BCAS3: variants seen among roughly 807,000 people sequenced by gnomAD.
BCAS3 encodes BCAS4/BCAS3 fusion.
BCAS3 carries 53 observed loss-of-function variants against 116.1 expected under a neutral mutation model. The observed-to-expected ratio is 0.46, with a 90% CI of 0.37 to 0.57. The LOEUF (loss-of-function observed/expected upper bound fraction) is 0.57, where lower values mean the gene tolerates loss of function less well. Ranked by LOEUF, BCAS3 falls within the 20% of genes least tolerant of loss-of-function variation. The probability of loss-of-function intolerance (pLI) is 0.00; values close to 1 mark genes in which losing one functional copy is unlikely to be tolerated. For missense variants in BCAS3, 917 were observed against 1,165.4 expected, an observed-to-expected ratio of 0.79 and a Z score of 3.10; for synonymous variants, 391 against 408.2, an observed-to-expected ratio of 0.96 and a Z score of 0.51.
chr17:60,796,505 G>C (rs532507189), intron 6 of BCAS3, among the ~76,000 whole-genome samples: 2 of 152,062 alleles, frequency 1.3e-5, no homozygotes, highest in Non-Finnish European at 2.9e-5. Flanking sequence ...TCTAGTTTAC[G>C]TGCATAAAGG....
At position 60,973,586 on chromosome 17, in the gene BCAS3, A is replaced by ATATATATATATATATATATATAT. The variant is rs752524305; in HGVS notation, c.1222-16385_1222-16384insTATATATATATATATATATATAT. ...TAGACATTGCTATTACCTTATTATT[A>ATATATATATATATATATATATAT]ATATATATATATATATATATATGTA... is the stretch of plus-strand genomic sequence containing the variant. On this transcript the variant is annotated intron_variant, in intron 14 of 23. Transcript: ENST00000407086. Among the ~76,000 whole-genome samples the ATATATATATATATATATATATAT allele has an allele frequency of 5.1e-4, 70 of 137,940 alleles. 1 individual carries two copies. The highest frequency in any genetic ancestry group is 1.7e-3 in the African/African-American group (61 of 34,934). 90.5% of individuals were successfully genotyped at this position (137,940 alleles called of 152,430 possible).
At chr17:60,953,588 A>G (rs1462749353) in intron 14 of BCAS3, among the ~76,000 whole-genome samples, 2 of 151,712 alleles carry the variant, frequency 1.3e-5, no homozygotes, top group Non-Finnish European at 2.9e-5. Flanking sequence ...CCATTTGTCA[A>G]TTTTTGCTTT....
chr17:61,143,811 AAAAAT>A lies in BCAS3; in HGVS notation c.2425+59261_2425+59265del, dbSNP rs776798815. On this transcript the variant is annotated intron_variant, in intron 22 of 23. Transcript: ENST00000407086. Reference sequence around the variant, plus strand: ...GCGACAGAGCAAGACTCTGTCTCAAAAAAATAAAATAAAATAAATAAAGTATAAGT... The same window carrying A: ...GCGACAGAGCAAGACTCTGTCTCAAAAAAATAAAATAAATAAAGTATAAGT... 1.2e-4 allele frequency among the ~76,000 whole-genome samples: 19 copies of A among 152,310 alleles called. 1 individual carries two copies. Among genetic ancestry groups the A allele is most frequent in the African/African-American group, 2.6e-4 (11 of 41,558 alleles).
In BCAS3 at chr17:61,307,402, G is replaced by A. The variant is rs971224866; in HGVS notation, c.2426-60925G>A. 3.3e-5 allele frequency among the ~76,000 whole-genome samples: 5 copies of A among 152,346 alleles called. No individual in the cohort carries two copies. The highest frequency in any genetic ancestry group is 3.3e-4 in the Admixed American group (5 of 15,304). Reference sequence around the variant, plus strand: ...CTCAAGTTCCTTGAGCATAATCTCAGAGAAGAATCTAACCCATGTTTTCTT... The same window carrying A: ...CTCAAGTTCCTTGAGCATAATCTCAAAGAAGAATCTAACCCATGTTTTCTT... On this transcript the variant is annotated intron_variant, in intron 22 of 23. Coordinates refer to ENST00000407086, the MANE Select transcript of BCAS3 (RefSeq NM_017679.5). The surrounding 1 kb of genome is among the most constrained non-coding windows in gnomAD (Gnocchi z 4.7).
In BCAS3 at chr17:61,021,672, A is replaced by G. The variant is rs966680952; in HGVS notation, c.1637+5771A>G. ...GCCGTAAGCCAGTGCTGATGGGCTC[A>G]GGCCCCACTTAGAAAGCATAGATGC... is the stretch of plus-strand genomic sequence containing the variant. On this transcript the variant is annotated intron_variant, in intron 16 of 23. Transcript: ENST00000407086. This position sits in a 1 kb window ranked among gnomAD's most constrained non-coding sequence, Gnocchi z 4.6. Among the ~76,000 whole-genome samples the G allele has an allele frequency of 6.6e-6, 1 of 152,238 alleles. No individual in the cohort carries two copies. The highest frequency in any genetic ancestry group is 1.5e-5 in the Non-Finnish European group (1 of 68,042).
chr17:61,283,639 G>A (rs150631484), intron 22 of BCAS3, among the ~76,000 whole-genome samples: 2,998 of 151,804 alleles, frequency 0.02, 90 homozygotes, highest in African/African-American at 0.067. Flanking sequence ...ATTTTTAGTC[G>A]AGACAGGGTT....
intron 4 of BCAS3, among the ~76,000 whole-genome samples, chr17:60,693,709 G>T (rs1421732829): frequency 6.6e-6 from 1 of 151,346 alleles, no homozygotes; most frequent in Admixed American, 6.6e-5. Flanking sequence ...TACTATGCCC[G>T]GCATGGCCAG....
chr17:61,092,318 C>T (rs1364375378), intron 22 of BCAS3, among the ~76,000 whole-genome samples: 1 of 152,056 alleles, frequency 6.6e-6, no homozygotes, highest in Non-Finnish European at 1.5e-5. Flanking sequence ...TTTTATAAGT[C>T]TGTCTGTCTG....
chr17:60,890,248 G>T (rs1015140844), intron 10 of BCAS3, among the ~76,000 whole-genome samples: 1 of 152,112 alleles, frequency 6.6e-6, no homozygotes, highest in East Asian at 1.9e-4. Context: ...GAGGTCAGGA[G>T]TTCGAGACCA....
At chr17:61,175,651 A>C (rs1385207807) in intron 22 of BCAS3, among the ~76,000 whole-genome samples, 3 of 152,224 alleles carry the variant, frequency 2.0e-5, no homozygotes, top group Non-Finnish European at 4.4e-5. Flanking sequence ...TGTTTTCCAT[A>C]ATGGCTGTGC....
In BCAS3 at chr17:61,368,192, T is replaced by C; in HGVS notation, c.2426-135T>C. 1 of 899,632 alleles carries C rather than the reference T, an allele frequency of 1.1e-6. No individual in the cohort carries two copies. The highest frequency in any genetic ancestry group is 1.7e-6 in the Non-Finnish European group (1 of 600,976). 55.7% of individuals were successfully genotyped at this position (899,632 alleles called of 1,614,324 possible). ...TATTTCTCCTGCGCTACCCAGTCTG[T>C]TGGCGGCGTGCTTCCATCCTACAGG... is the stretch of plus-strand genomic sequence containing the variant. On this transcript the variant is annotated intron_variant, in intron 22 of 23. Transcript: ENST00000407086. This position sits in a 1 kb window ranked among gnomAD's most constrained non-coding sequence, Gnocchi z 6.0.
At chr17:60,744,496 C>G (rs1421459527) in intron 5 of BCAS3, among the ~76,000 whole-genome samples, 1 of 152,154 alleles carries the variant, frequency 6.6e-6, no homozygotes, top group Non-Finnish European at 1.5e-5. Flanking sequence ...TAAACCTTAA[C>G]TCTGTTTCTG....
chr17:60,902,730 T>C lies in BCAS3; in HGVS notation c.822+27T>C. The stretch of plus-strand genomic sequence containing the variant: ...TGAGTACCTCCGAAATCTTGGAGAG[T>C]TGTGGTTATGTGTAGTAATTGTTCA... On this transcript the variant is annotated intron_variant, in intron 11 of 23. Coordinates refer to ENST00000407086, the MANE Select transcript of BCAS3 (RefSeq NM_017679.5). 2.7e-6 allele frequency: 4 copies of C among 1,504,240 alleles called. No homozygotes were observed. In the African/African-American group the frequency reaches 4.1e-5, roughly 16 times the overall value. The allele number at this position is 1,504,240 out of a possible 1,614,324, so 93.2% of individuals were successfully genotyped here.
At chr17:61,101,560 G>C (rs1469720878) in intron 22 of BCAS3, among the ~76,000 whole-genome samples, 1 of 152,002 alleles carries the variant, frequency 6.6e-6, no homozygotes, top group Admixed American at 6.6e-5. Context: ...ATTCTAAATG[G>C]ACCTGACACC....
Position 61,139,208 on chromosome 17 carries a change from A to AT in BCAS3, c.2425+54650dup, listed in dbSNP as rs2076796281. Among the ~76,000 whole-genome samples the AT allele has an allele frequency of 6.6e-6, 1 of 152,128 alleles. No homozygotes were observed. Among genetic ancestry groups the AT allele is most frequent in the Admixed American group, 6.6e-5 (1 of 15,266 alleles). On this transcript the variant is annotated intron_variant, in intron 22 of 23. Coordinates refer to ENST00000407086, the MANE Select transcript of BCAS3 (RefSeq NM_017679.5). The surrounding 1 kb of genome is among the most constrained non-coding windows in gnomAD (Gnocchi z 4.7). ...ACATTCTTAGGCTTAAAGAGTACAC[A>AT]TTTTTTCCCTTAGAGTTATAGATGA...
rs1420840310 is a variant in BCAS3, at chr17:61,084,638, G to A, written c.2425+74G>A. On this transcript the variant is annotated intron_variant, in intron 22 of 23. Transcript: ENST00000407086. The surrounding 1 kb of genome is among the most constrained non-coding windows in gnomAD (Gnocchi z 5.5). ...AACTAATTTTCTCGCACAATGTAGA[G>A]GATGACATTTATTTGCTTTCCTCTC... The A allele has an allele frequency of 4.0e-5, 50 of 1,237,950 alleles. No individual in the cohort carries two copies. In the Middle Eastern group the frequency reaches 1.2e-3, roughly 30 times the overall value. The allele number at this position is 1,237,950 out of a possible 1,614,324, so 76.7% of individuals were successfully genotyped here.
intron 7 of BCAS3, among the ~76,000 whole-genome samples, chr17:60,815,136 C>A (rs2049254609): frequency 6.6e-6 from 1 of 152,132 alleles, no homozygotes; most frequent in South Asian, 2.1e-4. Flanking sequence ...GAGTTCATGT[C>A]CTTTGTAGGG....
At position 61,302,885 on chromosome 17, in the gene BCAS3, C is replaced by G. The variant is rs541363196; in HGVS notation, c.2426-65442C>G. Among the ~76,000 whole-genome samples, 1 of 152,160 alleles carries G rather than the reference C, an allele frequency of 6.6e-6. No individual in the cohort carries two copies. Among genetic ancestry groups the G allele is most frequent in the African/African-American group, 2.4e-5 (1 of 41,422 alleles). On this transcript the variant is annotated intron_variant, in intron 22 of 23. Transcript: ENST00000407086. This position sits in a 1 kb window ranked among gnomAD's most constrained non-coding sequence, Gnocchi z 4.4. ...GATCACTTTCTAAATTCCTTTTCCA[C>G]GAAATACGGGCTTTGAGAGAGAAGA... is the stretch of plus-strand genomic sequence containing the variant.
At chr17:60,986,771 C>G (rs2063167753) in intron 14 of BCAS3, 1 of 152,106 alleles carries the variant, frequency 6.6e-6, no homozygotes, top group Non-Finnish European at 1.5e-5. Flanking sequence ...AATATTTTCT[C>G]CCAATCTTCG....
Sources: gnomAD v4.1 joint callset for allele counts (sites outside exome capture counted in the v4.1 genomes callset) on GRCh38, gnomAD v4.1.1 for gene constraint, Gnocchi (gnomAD v3.1) non-coding constraint, MANE v1.5 for transcripts, NCBI Gene and HGNC (gene_info 2026-07-23, HGNC 2026-07-21) for gene names.